Variants in CACNA2D3 observed in about 807,000 individuals in gnomAD.
CACNA2D3 encodes the protein voltage-dependent calcium channel subunit alpha-2/delta-3.
CACNA2D3 carries 60 observed loss-of-function variants against 160.6 expected under a neutral mutation model. The ratio of observed to expected loss-of-function variants is 0.37; its 90% confidence interval spans 0.30 to 0.46. The LOEUF is 0.46. Ranked by LOEUF, CACNA2D3 falls within the 20% of genes least tolerant of loss-of-function variation. The probability of loss-of-function intolerance (pLI) is 1.00; values close to 1 mark genes in which losing one functional copy is unlikely to be tolerated. For missense variants in CACNA2D3, 1,205 were observed against 1,365.0 expected (o/e 0.88, Z 1.85); for synonymous variants, 558 against 492.9 (o/e 1.13, Z -1.75).
intron 27 of CACNA2D3, among the ~76,000 whole-genome samples, chr3:54,900,131 C>T (rs903815827): frequency 2.0e-5 from 3 of 152,092 alleles, no homozygotes; most frequent in African/African-American, 4.8e-5. Context: ...CAGTACTTGC[C>T]GAGGAGAATT....
intron 33 of CACNA2D3, among the ~76,000 whole-genome samples, chr3:55,008,145 G>GA (rs879744990): frequency 6.6e-6 from 1 of 152,194 alleles, no homozygotes; most frequent in Non-Finnish European, 1.5e-5. Flanking sequence ...TGATTTTACT[G>GA]CAGCCTGGGT....
At chr3:54,408,533 A>C (rs1327170224) in intron 4 of CACNA2D3, among the ~76,000 whole-genome samples, 2 of 152,170 alleles carry the variant, frequency 1.3e-5, no homozygotes, top group Non-Finnish European at 2.9e-5. Flanking sequence ...ACTATTACCG[A>C]AAAAGTAACC....
At chr3:54,361,586 T>C (rs910844629) in intron 3 of CACNA2D3, among the ~76,000 whole-genome samples, 8 of 152,190 alleles carry the variant, frequency 5.3e-5, no homozygotes. Context: ...TTTTAAACAG[T>C]GTGAGGCACC....
chr3:54,733,924 G>T (rs1220722448), intron 11 of CACNA2D3, among the ~76,000 whole-genome samples: 11 of 151,612 alleles, frequency 7.3e-5, no homozygotes, highest in Non-Finnish European at 1.0e-4. Context: ...TCTGCACAAA[G>T]TACAAAGAAC....
chr3:54,356,048 C>T (rs769028493), intron 3 of CACNA2D3, among the ~76,000 whole-genome samples: 2 of 126,370 alleles, frequency 1.6e-5, no homozygotes, highest in Non-Finnish European at 3.2e-5. Context: ...GATTTTCTTA[C>T]AAATTGCAGA....
At chr3:54,804,068 A>G (rs1400302588) in intron 13 of CACNA2D3, among the ~76,000 whole-genome samples, 1 of 152,190 alleles carries the variant, frequency 6.6e-6, no homozygotes, top group Non-Finnish European at 1.5e-5. Flanking sequence ...CTAAACATGG[A>G]AAGGAACAAC....
chr3:54,953,590 T>C (rs945082399), intron 27 of CACNA2D3, among the ~76,000 whole-genome samples: 3 of 152,222 alleles, frequency 2.0e-5, no homozygotes, highest in Non-Finnish European at 4.4e-5. Context: ...CTTCTTGCAA[T>C]ACTTGGACAT....
chr3:54,251,035 A>T (rs1702179228), intron 2 of CACNA2D3, among the ~76,000 whole-genome samples: 1 of 152,210 alleles, frequency 6.6e-6, no homozygotes, highest in Admixed American at 6.5e-5. Flanking sequence ...GCACTAGCCT[A>T]CAGACTATGA....
rs60020847 is a variant in CACNA2D3 at position 54,832,011 on chromosome 3, T to TCACACA, written c.1399-5108_1399-5103dup. The stretch of plus-strand genomic sequence containing the variant: ...TCCCTCTTTATCTCTCTCTTCTCTG[T>TCACACA]CACACACACACACACACACACACAC... On this transcript the variant is annotated intron_variant, in intron 14 of 37. Coordinates refer to ENST00000474759, the MANE Select transcript of CACNA2D3 (RefSeq NM_018398.3). 1.7e-3 allele frequency among the ~76,000 whole-genome samples: 200 copies of TCACACA among 118,844 alleles called. 2 individuals carry two copies. Among genetic ancestry groups the TCACACA allele is most frequent in the Middle Eastern group, 4.0e-3 (1 of 248 alleles). The allele number at this position is 118,844 out of a possible 152,430, so 78.0% of individuals were successfully genotyped here.
At chr3:54,475,216 C>T (rs775710810) in intron 4 of CACNA2D3, among the ~76,000 whole-genome samples, 8 of 152,160 alleles carry the variant, frequency 5.3e-5, no homozygotes, top group Non-Finnish European at 1.0e-4. Flanking sequence ...AATTCTCTAC[C>T]ACCATAGCTG....
chr3:55,022,290 A>G (rs1575439601), intron 35 of CACNA2D3, among the ~76,000 whole-genome samples: 1 of 152,080 alleles, frequency 6.6e-6, no homozygotes, highest in African/African-American at 2.4e-5. Flanking sequence ...CACTAGCTCT[A>G]TTTTGGTAAT....
rs35403015 is a variant in CACNA2D3 at position 54,736,005 on chromosome 3, ATG to A, written c.1168-16592_1168-16591del. 4.6e-3 allele frequency among the ~76,000 whole-genome samples: 465 copies of A among 101,078 alleles called. 5 individuals are homozygous for A. Among genetic ancestry groups the A allele is most frequent in the Non-Finnish European group, 7.2e-3 (344 of 47,734 alleles). 66.3% of individuals were successfully genotyped at this position (101,078 alleles called of 152,430 possible). On this transcript the variant is annotated intron_variant, in intron 11 of 37. Transcript: ENST00000474759. The stretch of plus-strand genomic sequence containing the variant: ...TGTATATATATATACATATATATAT[ATG>A]TATATATATACACATACATATATAT...
At chr3:55,015,116 C>T (rs1032312700) in intron 34 of CACNA2D3, among the ~76,000 whole-genome samples, 1 of 152,206 alleles carries the variant, frequency 6.6e-6, no homozygotes, top group African/African-American at 2.4e-5. Flanking sequence ...TGGGCCCAGA[C>T]AATTAGAATT....
At chr3:55,012,656 T>C (rs1189559071) in intron 34 of CACNA2D3, among the ~76,000 whole-genome samples, 1 of 152,158 alleles carries the variant, frequency 6.6e-6, no homozygotes, top group East Asian at 1.9e-4. Flanking sequence ...TTTGCTGTCA[T>C]AGCATGGGGG....
chr3:54,206,099 A>G (rs536101811), intron 2 of CACNA2D3, among the ~76,000 whole-genome samples: 2 of 152,322 alleles, frequency 1.3e-5, no homozygotes, highest in African/African-American at 2.4e-5. Context: ...ATACATAGAA[A>G]ACGTTCGAAG....
At chr3:54,697,254 G>A (rs9862346) in intron 11 of CACNA2D3, among the ~76,000 whole-genome samples, 1 of 152,114 alleles carries the variant, frequency 6.6e-6, no homozygotes, top group Non-Finnish European at 1.5e-5. Context: ...CTCCAACCTG[G>A]ATGACAGAGA....
chr3:54,328,140 T>A (rs552963464), intron 3 of CACNA2D3, among the ~76,000 whole-genome samples: 25 of 152,266 alleles, frequency 1.6e-4, no homozygotes, highest in Non-Finnish European at 3.4e-4. Flanking sequence ...CAGATTGTTC[T>A]ACAGACAATG....
chr3:54,915,762 G>T (rs1367077392), intron 27 of CACNA2D3, among the ~76,000 whole-genome samples: 1 of 152,166 alleles, frequency 6.6e-6, no homozygotes, highest in Non-Finnish European at 1.5e-5. Context: ...ACATTTCAGG[G>T]TAAGTAATTA....
intron 2 of CACNA2D3, among the ~76,000 whole-genome samples, chr3:54,219,060 T>C (rs1701516528): frequency 6.6e-6 from 1 of 152,228 alleles, no homozygotes; most frequent in South Asian, 2.1e-4. Flanking sequence ...TATGGTGCCC[T>C]CCACAGTTAG....
Sources: allele counts gnomAD v4.1 joint callset (sites outside exome capture counted in the v4.1 genomes callset), GRCh38; gene constraint gnomAD v4.1.1; transcripts MANE v1.5; gene names NCBI Gene and HGNC (gene_info 2026-07-23, HGNC 2026-07-21).